Variants in RCC1 observed in about 807,000 individuals in gnomAD.
RCC1 encodes regulator of chromosome condensation.
A neutral mutation model predicts 44.4 loss-of-function variants in RCC1; 11 were observed. The ratio of observed to expected loss-of-function variants is 0.25; its 90% CI spans 0.16 to 0.41. The LOEUF (loss-of-function observed/expected upper bound fraction) is 0.41, where lower values mean the gene tolerates loss of function less well. RCC1 is among the 10% of genes least tolerant of loss of function. The pLI is 1.00. For missense variants in RCC1, 386 were observed against 547.1 expected (o/e 0.71, Z 2.94); for synonymous variants, 213 against 216.5 (o/e 0.98, Z 0.14).
At chr1:28,535,803 AAAC>A in intron 9 of RCC1, 65 bp from the exon 10 acceptor site, 1 of 1,538,692 alleles carries the variant, frequency 6.5e-7, no homozygotes, top group Non-Finnish European at 8.9e-7. Flanking sequence ...GAGGAGAATT[AAAC>A]TCGGGGCAGA....
chr1:28,533,561 G>A (rs933419130), intron 7 of RCC1, among the ~76,000 whole-genome samples: 14 of 150,892 alleles, frequency 9.3e-5, no homozygotes, highest in African/African-American at 2.7e-4. Flanking sequence ...CTGAGGGGTC[G>A]GGAGTTCGAG....
At chr1:28,526,505 A>C in intron 4 of RCC1, 1 of 581,530 alleles carries the variant, frequency 1.7e-6, no homozygotes, top group African/African-American at 1.9e-5. Flanking sequence ...TAAAGTGGGA[A>C]TCCACTGAGA....
Position 28,538,770 on chromosome 1 carries a change from G to C in RCC1, c.*763G>C, listed in dbSNP as rs552282935. On this transcript the variant is annotated 3_prime_UTR_variant, in exon 13 of 13. Coordinates refer to ENST00000683442, the MANE Select transcript of RCC1 (RefSeq NM_001381865.2). ...GTATGGGGTGGGGAGAGAGGGTGGA[G>C]GGTTTTATAAACAAACTTAACAGCA... 6.6e-6 allele frequency: 1 copy of C among 152,260 alleles called. No individual in the cohort carries two copies. Among genetic ancestry groups the C allele is most frequent in the East Asian group, 1.9e-4 (1 of 5,180 alleles). 9.4% of individuals were successfully genotyped at this position (152,260 alleles called of 1,614,324 possible). A position where few individuals can be genotyped will look rare whatever the true frequency, so the allele number is the denominator to read the frequency against.
chr1:28,511,878 G>A (rs1662567209), intron 3 of RCC1, among the ~76,000 whole-genome samples: 1 of 151,746 alleles, frequency 6.6e-6, no homozygotes, highest in African/African-American at 2.4e-5. Flanking sequence ...TAGCCAGGCT[G>A]GTCTCGAACT....
chr1:28,536,851 T>G lies in RCC1; in HGVS notation c.1042T>G (p.Ser348Ala). 1.2e-6 allele frequency: 2 copies of G among 1,614,120 alleles called. No homozygotes were observed. Among genetic ancestry groups the G allele is most frequent in the South Asian group, 2.2e-5 (2 of 91,072 alleles). ...PTLISRLPAVSSVACGASVGY... is the reference protein window; with the variant it reads ...PTLISRLPAVASVACGASVGY... ...CCTCATCTCCAGGCTGCCTGCTGTC[T>G]CCTCGGTGGCTTGTGGGGCCTCTGT... The change falls in exon 12 of 13, where the codon TCC becomes GCC. Residue 348 changes from serine to alanine, a missense_variant. Transcript: ENST00000683442. The surrounding 1 kb of genome is among the most constrained non-coding windows in gnomAD (Gnocchi z 4.9).
intron 7 of RCC1, among the ~76,000 whole-genome samples, chr1:28,534,022 C>T (rs1344244904): frequency 1.3e-5 from 2 of 150,930 alleles, no homozygotes; most frequent in Non-Finnish European, 3.0e-5. Context: ...GGATTACAGG[C>T]ATGCGCCACC....
chr1:28,535,368 C>T lies in RCC1; in HGVS notation c.649C>T (p.Arg217Trp). The change falls in exon 9 of 13, where the codon CGG (arginine) becomes TGG (tryptophan). Residue 217 changes from arginine to tryptophan, a missense_variant. Transcript: ENST00000683442. ...VPELFANRGG[R>W]QGLERLLVPK... The stretch of plus-strand genomic sequence containing the variant: ...TGAGTTATTTGCCAACCGTGGTGGC[C>T]GGCAAGGCCTCGGTAAGTGGCCTTG... The T allele has an allele frequency of 6.2e-7, 1 of 1,614,118 alleles. No individual in the cohort carries two copies. Among genetic ancestry groups the T allele is most frequent in the Non-Finnish European group, 8.5e-7 (1 of 1,180,016 alleles).
At chr1:28,515,378 C>A in intron 3 of RCC1, among the ~76,000 whole-genome samples, 1 of 149,244 alleles carries the variant, frequency 6.7e-6, no homozygotes, top group East Asian at 2.0e-4. Context: ...GAGCCGAGAT[C>A]CTGCCACTGC....
intron 4 of RCC1, among the ~76,000 whole-genome samples, chr1:28,521,393 C>T (rs548632767): frequency 1.0e-4 from 15 of 143,128 alleles, no homozygotes; most frequent in Non-Finnish European, 1.8e-4. Flanking sequence ...CCCAGCTACT[C>T]GGGAGGCTGA....
chr1:28,533,845 C>CTTTTTTTTTTTTTTTT lies in RCC1; in HGVS notation c.442-1170_442-1155dup, dbSNP rs1168443435. 6.0e-4 allele frequency among the ~76,000 whole-genome samples: 28 copies of CTTTTTTTTTTTTTTTT among 46,880 alleles called. 6 individuals carry two copies. Among genetic ancestry groups the CTTTTTTTTTTTTTTTT allele is most frequent in the Non-Finnish European group, 6.7e-4 (18 of 26,886 alleles). 30.8% of individuals were successfully genotyped at this position (46,880 alleles called of 152,430 possible). On this transcript the variant is annotated intron_variant, in intron 7 of 12. Transcript: ENST00000683442. ...ATATTTTTTTCTTTTCTTTTCTTTTCTTTTTTTTTTTTTTTTTTTTTTTTT... is the reference window on the plus strand; with the variant it reads ...ATATTTTTTTCTTTTCTTTTCTTTTCTTTTTTTTTTTTTTTTTTTTTTTTTTTTTTTTTTTTTTTTT...
Position 28,538,211 on chromosome 1 carries a change from G to A in RCC1, c.*204G>A. 2.0e-6 allele frequency: 1 copy of A among 503,834 alleles called. No homozygotes were observed. 31.2% of individuals were successfully genotyped at this position (503,834 alleles called of 1,614,324 possible). On this transcript the variant is annotated 3_prime_UTR_variant, in exon 13 of 13. Coordinates refer to ENST00000683442, the MANE Select transcript of RCC1 (RefSeq NM_001381865.2). ...TTCCTGGGACCTACAGAATAAAGGG[G>A]GGGATGGACAGGGGGTTTTCAAAAG...
At chr1:28,510,107 A>G (rs1431699816) in intron 3 of RCC1, 1 of 152,284 alleles carries the variant, frequency 6.6e-6, no homozygotes. Flanking sequence ...TCTAGAAGGT[A>G]AAGTTACCTA....
At chr1:28,513,100 ACT>A (rs1056908026) in intron 3 of RCC1, among the ~76,000 whole-genome samples, 2 of 143,392 alleles carry the variant, frequency 1.4e-5, no homozygotes, top group Non-Finnish European at 3.0e-5. Context: ...CAAGAGTCTC[ACT>A]CTGTTGCCAA....
At chr1:28,531,743 G>A in intron 5 of RCC1, 60 bp from the exon 6 acceptor site, 2 of 1,413,328 alleles carry the variant, frequency 1.4e-6, no homozygotes, top group South Asian at 3.2e-5. Flanking sequence ...CCCAGAGCCT[G>A]TGACCTCTCC....
intron 3 of RCC1, among the ~76,000 whole-genome samples, chr1:28,511,412 T>A (rs1417731488): frequency 6.9e-6 from 1 of 144,950 alleles, no homozygotes; most frequent in East Asian, 1.9e-4. Context: ...TGTTTTTTTT[T>A]TTTTTTGAGA....
chr1:28,523,265 C>T (rs1399636007), intron 4 of RCC1, among the ~76,000 whole-genome samples: 9 of 151,940 alleles, frequency 5.9e-5, no homozygotes, highest in Non-Finnish European at 7.4e-5. Context: ...ATGATCCGCC[C>T]GCCTCGGCCT....
At chr1:28,537,039 C>T in intron 12 of RCC1, 140 bp downstream of exon 12, 1 of 868,580 alleles carries the variant, frequency 1.2e-6, no homozygotes. Context: ...TTTGTTCCTG[C>T]TTCTCAGAAG....
chr1:28,521,758 C>G (rs1033859686), intron 4 of RCC1, among the ~76,000 whole-genome samples: 3 of 152,202 alleles, frequency 2.0e-5, no homozygotes, highest in Non-Finnish European at 4.4e-5. Flanking sequence ...TCTGGTCTCA[C>G]CATCCTCTCC....
At position 28,537,999 on chromosome 1, in the gene RCC1, CAG is replaced by C. The variant is rs892160185; in HGVS notation, c.1261_1262del (p.Ser421LeufsTer35). ...HTVLLVKDKE[Q>X]S ...AGTCTTATTAGTCAAGGACAAAGAA[CAG>C]AGCTGATGAAGCCTCTGAGGGCCTG... On this transcript the variant is annotated frameshift_variant, in exon 13 of 13. Coordinates refer to ENST00000683442, the MANE Select transcript of RCC1 (RefSeq NM_001381865.2). LOFTEE classifies it high-confidence loss of function. The C allele has an allele frequency of 1.2e-6, 2 of 1,613,138 alleles. No individual in the cohort carries two copies. The highest frequency in any genetic ancestry group is 2.7e-5 in the African/African-American group (2 of 74,924).
Sources: gnomAD v4.1 joint callset for allele counts (sites outside exome capture counted in the v4.1 genomes callset) on GRCh38, gnomAD v4.1.1 for gene constraint, Gnocchi (gnomAD v3.1) non-coding constraint, MANE v1.5 for transcripts, NCBI Gene and HGNC (gene_info 2026-07-23, HGNC 2026-07-21) for gene names.